ADCY9: variants seen among roughly 807,000 people sequenced by gnomAD.
The protein encoded by ADCY9 is adenylate cyclase 9.
A neutral mutation model predicts 101.5 loss-of-function variants in ADCY9; 50 were observed. The observed-to-expected ratio is 0.49, with a 90% confidence interval of 0.39 to 0.62. The LOEUF is 0.62. ADCY9 is among the 20% of genes least tolerant of loss of function. The pLI is 0.00. For synonymous variants in ADCY9, 905 were observed against 769.3 expected (o/e 1.18, Z -2.92); for missense variants, 1,662 against 1,800.4 (o/e 0.92, Z 1.39).
chr16:3,968,838 T>C (rs1597133471), intron 10 of ADCY9, among the ~76,000 whole-genome samples: 1 of 152,096 alleles, frequency 6.6e-6, no homozygotes, highest in East Asian at 1.9e-4. Flanking sequence ...GCTGAACCAG[T>C]TTCTGCTTTT....
intron 5 of ADCY9, among the ~76,000 whole-genome samples, chr16:3,991,162 T>C (rs2056240733): frequency 6.6e-6 from 1 of 152,240 alleles, no homozygotes; most frequent in Admixed American, 6.5e-5. Flanking sequence ...GAATGTTAAA[T>C]CTAGGGAATT....
At chr16:4,005,737 C>T (rs1034983872) in intron 3 of ADCY9, among the ~76,000 whole-genome samples, 5 of 152,168 alleles carry the variant, frequency 3.3e-5, no homozygotes, top group East Asian at 1.9e-4. Flanking sequence ...ACTCTGCGAC[C>T]GCATCCCCTA....
rs759482994 is a variant in ADCY9 at position 3,963,674 on chromosome 16, C to T, written c.*2101G>A. The T allele has an allele frequency of 1.9e-5, 5 of 260,580 alleles. No homozygotes were observed. The highest frequency in any genetic ancestry group is 6.6e-5 in the East Asian group (1 of 15,158). 16.1% of individuals were successfully genotyped at this position (260,580 alleles called of 1,614,324 possible). The stretch of plus-strand genomic sequence containing the variant: ...AGAACTTTGCGGAGCATGTTCTGAG[C>T]GAGACAGCAAGGTCGTGAGCAAACG... On this transcript the variant is annotated 3_prime_UTR_variant, in exon 11 of 11. Coordinates refer to ENST00000294016, the MANE Select transcript of ADCY9 (RefSeq NM_001116.4).
rs538608311 is a variant in ADCY9 at position 4,077,073 on chromosome 16, G to A, written c.1693+36677C>T. The stretch of plus-strand genomic sequence containing the variant: ...GCCTGGGGGACAAGGTTGAGACTTC[G>A]TCTCAAAAAAAAAAAAAAAGAATCA... On this transcript the variant is annotated intron_variant, in intron 2 of 10. Coordinates refer to ENST00000294016, the MANE Select transcript of ADCY9 (RefSeq NM_001116.4). Among the ~76,000 whole-genome samples the A allele has an allele frequency of 5.8e-3, 338 of 58,018 alleles. 2 individuals carry two copies. The highest frequency in any genetic ancestry group is 0.019 in the African/African-American group (304 of 15,762). The allele number at this position is 58,018 out of a possible 152,430, so 38.1% of individuals were successfully genotyped here. A position where few individuals can be genotyped will look rare whatever the true frequency, so the allele number is the denominator to read the frequency against.
Position 4,094,842 on chromosome 16 carries a change from G to A in ADCY9, c.1693+18908C>T, listed in dbSNP as rs563404416. ...ACAGAAACTCAGGAGATCCAGAAGA[G>A]ACACTCTGAACAAAGAAAATGGAAA... On this transcript the variant is annotated intron_variant, in intron 2 of 10. Coordinates refer to ENST00000294016, the MANE Select transcript of ADCY9 (RefSeq NM_001116.4). Among the ~76,000 whole-genome samples, 32 of 152,118 alleles carry A rather than the reference G, an allele frequency of 2.1e-4. No homozygotes were observed. In the South Asian group the frequency reaches 6.5e-3, roughly 31 times the overall value.
At chr16:4,018,200 C>T (rs140998630) in intron 2 of ADCY9, among the ~76,000 whole-genome samples, 1 of 150,922 alleles carries the variant, frequency 6.6e-6, no homozygotes, top group East Asian at 2.0e-4. Context: ...CTCTAAGTTG[C>T]GGAATATTCT....
intron 2 of ADCY9, among the ~76,000 whole-genome samples, chr16:4,012,475 C>A (rs199718529): frequency 4.9e-3 from 684 of 138,532 alleles, no homozygotes; most frequent in Middle Eastern, 0.015. Context: ...GCAGAAGGTC[C>A]AAAAAAAAAA....
chr16:4,097,268 G>T (rs147897076), intron 2 of ADCY9, among the ~76,000 whole-genome samples: 1 of 151,462 alleles, frequency 6.6e-6, no homozygotes, highest in Non-Finnish European at 1.5e-5. Context: ...GGCACCATGC[G>T]CTGGTCAGCC....
intron 2 of ADCY9, among the ~76,000 whole-genome samples, chr16:4,091,699 C>T (rs1215183780): frequency 6.6e-6 from 1 of 152,184 alleles, no homozygotes; most frequent in African/African-American, 2.4e-5. Context: ...CGAGAGAATC[C>T]AGACACACAA....
intron 5 of ADCY9, among the ~76,000 whole-genome samples, chr16:3,956,488 C>CTTTTT (rs1555504577): frequency 1.5e-5 from 1 of 68,762 alleles, no homozygotes; most frequent in Non-Finnish European, 2.6e-5. Flanking sequence ...GCGCAATGAG[C>CTTTTT]TTTTTTTTTT....
chr16:4,071,127 C>T (rs1347274874), intron 2 of ADCY9, among the ~76,000 whole-genome samples: 3 of 151,312 alleles, frequency 2.0e-5, no homozygotes, highest in South Asian at 2.1e-4. Context: ...GCCAGGAGTT[C>T]GAGGCCAGCC....
chr16:4,074,539 A>AC (rs2056854769), intron 2 of ADCY9, among the ~76,000 whole-genome samples: 1 of 151,210 alleles, frequency 6.6e-6, no homozygotes, highest in African/African-American at 2.4e-5. Context: ...CGCAAAAAAA[A>AC]AAAAACAAAA....
At chr16:4,077,957 C>A (rs1360197650) in intron 2 of ADCY9, among the ~76,000 whole-genome samples, 1 of 151,670 alleles carries the variant, frequency 6.6e-6, no homozygotes, top group East Asian at 1.9e-4. Context: ...CAAGATGGTG[C>A]CACTGCACTC....
chr16:3,965,698 G>A lies in ADCY9; in HGVS notation c.*77C>T. 3 of 1,405,148 alleles carry A rather than the reference G, an allele frequency of 2.1e-6. No homozygotes were observed. In the South Asian group the frequency reaches 4.0e-5, roughly 19 times the overall value. The allele number at this position is 1,405,148 out of a possible 1,614,324, so 87.0% of individuals were successfully genotyped here. A position where few individuals can be genotyped will look rare whatever the true frequency, so the allele number is the denominator to read the frequency against. ...TCCGGGGAGGGCAACTGTGGCGCTT[G>A]GAAAGCACAACAGCCAAATACAAAT... is the stretch of plus-strand genomic sequence containing the variant. On this transcript the variant is annotated 3_prime_UTR_variant, in exon 11 of 11. Transcript: ENST00000294016.
chr16:3,961,037 C>T (rs1419534259), downstream of ADCY9, among the ~76,000 whole-genome samples: 2 of 152,150 alleles, frequency 1.3e-5, no homozygotes, highest in East Asian at 3.9e-4. Context: ...AACAAGATTT[C>T]AGATGAAAGA....
In ADCY9 at chr16:4,115,024, G is replaced by T. The variant is rs750363911; in HGVS notation, c.419C>A (p.Ser140Tyr). 153 of 1,614,008 alleles carry T rather than the reference G, an allele frequency of 9.5e-5. No individual in the cohort carries two copies. Among genetic ancestry groups the T allele is most frequent in the Non-Finnish European group, 1.3e-4 (149 of 1,180,046 alleles). ...WSIYFAVHMR[S>Y]RLIVMVAPAL... ...GGGGGCGACCATGACGATCAGTCTG[G>T]ATCTCATGTGGACCGCAAAATAGAT... Residue 140 changes from serine to tyrosine, a missense_variant, in exon 2 of 11, where the codon TCC becomes TAC. This residue lies in a region of ADCY9 where 422 missense variants were observed against 392.0 expected (regional missense o/e 1.08). Transcript: ENST00000294016. The surrounding 1 kb of genome is among the most constrained non-coding windows in gnomAD (Gnocchi z 6.2).
At chr16:3,985,102 T>G (rs1020433221) in intron 6 of ADCY9, among the ~76,000 whole-genome samples, 1 of 151,278 alleles carries the variant, frequency 6.6e-6, no homozygotes, top group African/African-American at 2.4e-5. Flanking sequence ...CCTCAGAAGG[T>G]GTGGGAATTT....
At chr16:3,961,069 T>C (rs528251409), downstream of ADCY9, among the ~76,000 whole-genome samples, 1 of 152,312 alleles carries the variant, frequency 6.6e-6, no homozygotes, top group East Asian at 1.9e-4. Context: ...TGATCAGTTC[T>C]GGGGCTGATT....
Position 4,116,424 on chromosome 16 carries a change from T to G in ADCY9, c.-778A>C, listed in dbSNP as rs1401545166. 6.9e-6 allele frequency among the ~76,000 whole-genome samples: 1 copy of G among 145,044 alleles called. No homozygotes were observed. The highest frequency in any genetic ancestry group is 2.5e-5 in the African/African-American group (1 of 40,356). On this transcript the variant is annotated 5_prime_UTR_variant, in exon 1 of 11. Coordinates refer to ENST00000294016, the MANE Select transcript of ADCY9 (RefSeq NM_001116.4). ...TGCCGCCGCCACCATCTCCGGCCCC[T>G]GCCCCGCCCGCTGTCACTGACAGAC...
Sources: allele counts gnomAD v4.1 joint callset (sites outside exome capture counted in the v4.1 genomes callset), GRCh38; gene constraint gnomAD v4.1.1; regional missense constraint gnomAD v4.1.1; non-coding constraint Gnocchi (gnomAD v3.1); transcripts MANE v1.5; gene names NCBI Gene and HGNC (gene_info 2026-07-23, HGNC 2026-07-21).